The following ADGRG1 variants were observed in gnomAD, a reference collection of about 807,000 sequenced individuals.
ADGRG1 encodes the protein adhesion G protein-coupled receptor G1.
A neutral mutation model predicts 73.5 loss-of-function variants in ADGRG1; 53 were observed. The ratio of observed to expected loss-of-function variants is 0.72; its 90% CI spans 0.58 to 0.91. The LOEUF (loss-of-function observed/expected upper bound fraction) is 0.91. Among genes scored for constraint, ADGRG1 ranks in the 40% least tolerant of loss-of-function variants. The pLI is 0.00. For synonymous variants in ADGRG1, 394 were observed against 374.4 expected (o/e 1.05, Z -0.60); for missense variants, 795 against 871.8 (o/e 0.91, Z 1.11).
chr16:57,624,071 T>C (rs775843042), upstream of ADGRG1: 17 of 391,134 alleles, frequency 4.3e-5, no homozygotes, highest in Non-Finnish European at 5.6e-5. Context: ...ATGTGGACTT[T>C]ATCATAATAA....
chr16:57,627,117 C>T (rs2035995226), upstream of ADGRG1: 7 of 984,390 alleles, frequency 7.1e-6, no homozygotes, highest in African/African-American at 8.7e-5. Flanking sequence ...CTGCACCCCA[C>T]GGGGTGGCTT....
At chr16:57,635,426 C>A in intron 1 of ADGRG1, 2 of 985,320 alleles carry the variant, frequency 2.0e-6, no homozygotes, top group Non-Finnish European at 2.4e-6. Context: ...GAGCTGGGAC[C>A]AGTGCAGCAC....
At chr16:57,648,584 G>A in intron 1 of ADGRG1, 4 of 984,876 alleles carry the variant, frequency 4.1e-6, no homozygotes, top group Non-Finnish European at 4.8e-6. Flanking sequence ...TCCTGCCTGG[G>A]ACACCCCTTC....
In ADGRG1 at chr16:57,656,024, C is replaced by A. The variant is rs577186122; in HGVS notation, c.1017+32C>A. 20 of 1,613,822 alleles carry A rather than the reference C, an allele frequency of 1.2e-5. No individual in the cohort carries two copies. In the South Asian group the frequency reaches 1.9e-4, roughly 15 times the overall value. ...GGGGGCCAGCCATCAAGAGAACAAG[C>A]GCCCCTCGGCCATGTCACCCTTTCC... is the stretch of plus-strand genomic sequence containing the variant. On this transcript the variant is annotated intron_variant, in intron 7 of 13. Coordinates refer to ENST00000562631, the MANE Select transcript of ADGRG1 (RefSeq NM_201525.4).
At chr16:57,626,124 C>T (rs2035787039), upstream of ADGRG1, among the ~76,000 whole-genome samples, 1 of 152,156 alleles carries the variant, frequency 6.6e-6, no homozygotes, top group African/African-American at 2.4e-5. Flanking sequence ...TCTGGTGTCC[C>T]GTGTTTGGTT....
chr16:57,622,592 T>G, intron 2 of ADGRG1: 2 of 167,186 alleles, frequency 1.2e-5, no homozygotes, highest in Non-Finnish European at 2.4e-5. Flanking sequence ...AGGCATGTGA[T>G]TGGGTGAGGG....
At chr16:57,644,250 AT>A in intron 1 of ADGRG1, 2 of 894,588 alleles carry the variant, frequency 2.2e-6, no homozygotes, top group African/African-American at 3.6e-5. Context: ...ATGCACACAC[AT>A]GCACAGTCAT....
chr16:57,657,486 C>A lies in ADGRG1; in HGVS notation c.1281C>A (p.Cys427Ter). 1 of 1,611,174 alleles carries A rather than the reference C, an allele frequency of 6.2e-7. No individual in the cohort carries two copies. The highest frequency in any genetic ancestry group is 8.5e-7 in the Non-Finnish European group (1 of 1,177,450). ...TTGTCACCATTGCCGCCTACCTCTG[C>A]TCCAGGTGAGGCCTGAAAGGGGTGG... ...ACLVTIAAYL[C>*]SRRKPRDYTI... The change falls in exon 10 of 14, where the codon TGC becomes TGA. Residue 427 changes from cysteine (C) to a stop codon, truncating the protein, a stop_gained. Transcript: ENST00000562631. LOFTEE classifies it high-confidence loss of function.
intron 1 of ADGRG1, chr16:57,636,172 C>A: frequency 1.0e-6 from 1 of 985,340 alleles, no homozygotes; most frequent in Non-Finnish European, 1.2e-6. Flanking sequence ...GCTACCTGGG[C>A]TCCCCTTAGG....
At chr16:57,624,195 G>C (rs767273706), upstream of ADGRG1, 26 of 983,082 alleles carry the variant, frequency 2.6e-5, no homozygotes, top group Non-Finnish European at 3.1e-5. Context: ...AACTGCTCTT[G>C]TCTAAAAAAT....
intron 11 of ADGRG1, chr16:57,660,348 G>A (rs2046781308): frequency 2.0e-6 from 2 of 985,014 alleles, no homozygotes; most frequent in Admixed American, 6.1e-5. Flanking sequence ...GTGTTTGGAG[G>A]TGGGCAGCCC....
chr16:57,621,808 A>AT (rs2034876635), intron 2 of ADGRG1: 1 of 973,926 alleles, frequency 1.0e-6, no homozygotes, highest in Non-Finnish European at 1.2e-6. Context: ...AAGAGGCACA[A>AT]TTTTAGGGGC....
intron 1 of ADGRG1, chr16:57,633,155 A>G (rs2038443936): frequency 2.8e-6 from 1 of 357,188 alleles, no homozygotes; most frequent in Non-Finnish European, 3.9e-6. Flanking sequence ...CTGCCTGTAA[A>G]TGGAGATAAC....
chr16:57,644,220 G>GCACTCATGCACACA (rs1299284994), intron 1 of ADGRG1: 8 of 977,288 alleles, frequency 8.2e-6, no homozygotes, highest in Non-Finnish European at 9.7e-6. Context: ...ACGGGCACAC[G>GCACTCATGCACACA]CACTCATGCA....
At chr16:57,654,831 G>T (rs1362128192) in intron 5 of ADGRG1, among the ~76,000 whole-genome samples, 2 of 152,198 alleles carry the variant, frequency 1.3e-5, no homozygotes, top group East Asian at 3.8e-4. Context: ...AGTGAGCTGA[G>T]ATTGTGCCAC....
rs2041411445 is a variant in ADGRG1 at position 57,643,585 on chromosome 16, TG to T, written c.-35-6666del. 1.6e-5 allele frequency: 16 copies of T among 984,730 alleles called. No homozygotes were observed. In the South Asian group the frequency reaches 5.2e-4, roughly 32 times the overall value. 61.0% of individuals were successfully genotyped at this position (984,730 alleles called of 1,614,324 possible). ...GGGGGTGGGGGGTGTCCAGCAGGTCTGGTGTAAGAGTGTGAGGCTCACCCTG... is the reference window on the plus strand; with the variant it reads ...GGGGGTGGGGGGTGTCCAGCAGGTCTGTGTAAGAGTGTGAGGCTCACCCTG... On this transcript the variant is annotated intron_variant, in intron 1 of 13. Coordinates refer to ENST00000562631, the MANE Select transcript of ADGRG1 (RefSeq NM_201525.4).
At chr16:57,631,657 C>T in intron 1 of ADGRG1, 2 of 984,598 alleles carry the variant, frequency 2.0e-6, no homozygotes, top group Non-Finnish European at 2.4e-6. Context: ...CAGGGGTGAC[C>T]AGACACAGCA....
chr16:57,655,974 C>G lies in ADGRG1; in HGVS notation c.999C>G (p.Phe333Leu), dbSNP rs752941227. 9 of 1,613,988 alleles carry G rather than the reference C, an allele frequency of 5.6e-6. No individual in the cohort carries two copies. The highest frequency in any genetic ancestry group is 7.6e-6 in the Non-Finnish European group (9 of 1,179,958). Residue 333 changes from phenylalanine to leucine, a missense_variant, in exon 7 of 14, where the codon TTC (phenylalanine) becomes TTG (leucine). Coordinates refer to ENST00000562631, the MANE Select transcript of ADGRG1 (RefSeq NM_201525.4). ...TCACGGAGCCCGTGGTGCTCACTTT[C>G]CAGCACCAGCTACAGCCGGTGAGTG... ...ANLTEPVVLTFQHQLQPKNVT... is the reference protein window; with the variant it reads ...ANLTEPVVLTLQHQLQPKNVT...
Position 57,652,675 on chromosome 16 carries a change from C to A in ADGRG1, c.488-528C>A. 3.0e-6 allele frequency: 3 copies of A among 990,234 alleles called. No homozygotes were observed. The African/African-American group carries it at 5.2e-5, about 17-fold the overall frequency. 61.3% of individuals were successfully genotyped at this position (990,234 alleles called of 1,614,324 possible). A position where few individuals can be genotyped will look rare whatever the true frequency, so the allele number is the denominator to read the frequency against. On this transcript the variant is annotated intron_variant, in intron 3 of 13. Transcript: ENST00000562631. ...ATTCAAAAGATGGAGCTACCCAGGG[C>A]CTGCCTTCCTCAGTGGCACAGAAAG...
Sources: allele counts gnomAD v4.1 joint callset (sites outside exome capture counted in the v4.1 genomes callset), GRCh38; gene constraint gnomAD v4.1.1; transcripts MANE v1.5; gene names NCBI Gene and HGNC (gene_info 2026-07-23, HGNC 2026-07-21).